LARP1: variants seen among roughly 807,000 people sequenced by gnomAD.
LARP1 encodes the protein La ribonucleoprotein 1, translational regulator.
LARP1 carries 36 observed loss-of-function variants against 122.7 expected under a neutral mutation model. The observed-to-expected ratio is 0.29, with a 90% CI of 0.22 to 0.39. LARP1 has a LOEUF of 0.39. Ranked by LOEUF, LARP1 falls within the 10% of genes least tolerant of loss-of-function variation. The probability of loss-of-function intolerance (pLI) is 1.00; values close to 1 mark genes in which losing one functional copy is unlikely to be tolerated. For missense variants in LARP1, 1,040 were observed against 1,403.6 expected (o/e 0.74, Z 4.14); for synonymous variants, 539 against 528.7 (o/e 1.02, Z -0.27).
chr5:154,811,684 A>G (rs758132992), intron 18 of LARP1, 44 bp downstream of exon 18: 4 of 1,610,984 alleles, frequency 2.5e-6, no homozygotes, highest in South Asian at 1.1e-5. Flanking sequence ...CTGGAAAGAA[A>G]ACTGGACCAG....
At chr5:154,797,735 C>T (rs1758004664) in intron 8 of LARP1, among the ~76,000 whole-genome samples, 1 of 149,756 alleles carries the variant, frequency 6.7e-6, no homozygotes, top group South Asian at 2.1e-4. Context: ...CTCTCACAGG[C>T]TAGATTGCAG....
chr5:154,757,901 C>A (rs1424714669), intron 1 of LARP1, among the ~76,000 whole-genome samples: 1 of 126,098 alleles, frequency 7.9e-6, no homozygotes. Flanking sequence ...CCCCTTCCCC[C>A]CTCCTCCCCT....
chr5:154,782,671 T>C (rs747572898), intron 1 of LARP1, among the ~76,000 whole-genome samples: 68 of 152,330 alleles, frequency 4.5e-4, no homozygotes, highest in Non-Finnish European at 8.4e-4. Flanking sequence ...TGATCTGACC[T>C]GAACATTTCT....
In LARP1 at chr5:154,814,898, C is replaced by T. The variant is rs1759564945; in HGVS notation, c.*802C>T. On this transcript the variant is annotated 3_prime_UTR_variant, in exon 19 of 19. Transcript: ENST00000518297. The stretch of plus-strand genomic sequence containing the variant: ...AAAAGACAAAATCGACCATAAAAGA[C>T]CAAAAAAAAAAAAAAAATCAGAAAA... 6.8e-6 allele frequency: 1 copy of T among 146,204 alleles called. No individual in the cohort carries two copies. Among genetic ancestry groups the T allele is most frequent in the African/African-American group, 2.6e-5 (1 of 38,896 alleles). 9.1% of individuals were successfully genotyped at this position (146,204 alleles called of 1,614,324 possible).
intron 3 of LARP1, among the ~76,000 whole-genome samples, chr5:154,791,307 A>G (rs1002964851): frequency 6.6e-6 from 1 of 150,684 alleles, no homozygotes; most frequent in South Asian, 2.1e-4. Flanking sequence ...TCCACCTCCC[A>G]GGTTCAAGTG....
chr5:154,803,856 C>T lies in LARP1; in HGVS notation c.2439+111C>T. 1.8e-6 allele frequency: 2 copies of T among 1,122,896 alleles called. No homozygotes were observed. Among genetic ancestry groups the T allele is most frequent in the Middle Eastern group, 4.5e-4 (2 of 4,444 alleles). 69.6% of individuals were successfully genotyped at this position (1,122,896 alleles called of 1,614,324 possible). On this transcript the variant is annotated intron_variant, in intron 13 of 18. Coordinates refer to ENST00000518297, the MANE Select transcript of LARP1 (RefSeq NM_033551.3). This position sits in a 1 kb window ranked among gnomAD's most constrained non-coding sequence, Gnocchi z 4.4. ...AGCTAAGGAAGTGCTAAATCCTTCA[C>T]CTGCTCTGTGTTCTGAGGCTGGTGG...
At position 154,799,673 on chromosome 5, in the gene LARP1, C is replaced by T. The variant is rs140674663; in HGVS notation, c.1460C>T (p.Pro487Leu). 5.5e-5 allele frequency: 88 copies of T among 1,614,172 alleles called. No homozygotes were observed. In the African/African-American group the frequency reaches 1.1e-3, roughly 21 times the overall value. ...GAACCAGAAAAGTGGCCTCTTCCCC[C>T]AATAGTGGATTATTCACAGACTGAT... is the stretch of plus-strand genomic sequence containing the variant. The part of the protein sequence containing the change: ...REEPEKWPLP[P>L]IVDYSQTDFS... Residue 487 changes from proline to leucine, a missense_variant, in exon 9 of 19, where the codon CCA becomes CTA. By Grantham distance (98) the Pro-to-Leu change is moderately conservative. Coordinates refer to ENST00000518297, the MANE Select transcript of LARP1 (RefSeq NM_033551.3).
intron 1 of LARP1, among the ~76,000 whole-genome samples, chr5:154,726,369 T>G (rs1245778937): frequency 1.3e-5 from 2 of 152,186 alleles, no homozygotes; most frequent in Non-Finnish European, 2.9e-5. Flanking sequence ...ATACAATACC[T>G]GCTATTCGAT....
intron 1 of LARP1, among the ~76,000 whole-genome samples, chr5:154,768,562 T>TTTTA (rs1173573407): frequency 2.6e-5 from 4 of 152,182 alleles, no homozygotes; most frequent in South Asian, 4.1e-4. Flanking sequence ...GTACCCTATT[T>TTTTA]TTTATTTATT....
chr5:154,784,928 T>TGA (rs1405057092), intron 1 of LARP1, among the ~76,000 whole-genome samples: 1 of 152,256 alleles, frequency 6.6e-6, no homozygotes, highest in African/African-American at 2.4e-5. Flanking sequence ...TTTAGTAGGC[T>TGA]GAGAGAGACT....
intron 14 of LARP1, 32 bp from the exon 15 acceptor site, chr5:154,805,849 C>G (rs780720431): frequency 1.2e-6 from 2 of 1,605,390 alleles, no homozygotes; most frequent in East Asian, 2.2e-5. Context: ...CTGTGGGGAA[C>G]CTGGTGACAG....
upstream of LARP1, among the ~76,000 whole-genome samples, chr5:154,711,662 T>A (rs1755231486): frequency 6.6e-6 from 1 of 152,186 alleles, no homozygotes; most frequent in Non-Finnish European, 1.5e-5. Flanking sequence ...GCAAGTTGAA[T>A]CATCTTTCTG....
intron 1 of LARP1, among the ~76,000 whole-genome samples, chr5:154,689,018 G>A (rs1754066529): frequency 6.6e-6 from 1 of 152,192 alleles, no homozygotes. Flanking sequence ...TATTAAATAT[G>A]TTTTGAGAAA....
intron 1 of LARP1, among the ~76,000 whole-genome samples, chr5:154,689,985 G>A (rs1754116312): frequency 6.6e-6 from 1 of 152,176 alleles, no homozygotes; most frequent in Admixed American, 6.5e-5. Flanking sequence ...AGGTTGCACT[G>A]AGCAGAGATC....
chr5:154,777,410 A>G (rs1756002421), intron 1 of LARP1, among the ~76,000 whole-genome samples: 1 of 152,042 alleles, frequency 6.6e-6, no homozygotes, highest in Admixed American at 6.6e-5. Context: ...AATCCCAGCT[A>G]CTGGGGAGGC....
In LARP1 at chr5:154,688,633, G is replaced by A. The variant is rs545547412; in HGVS notation, c.-180+5596G>A. On this transcript the variant is annotated intron_variant, in intron 1 of 18. Coordinates refer to the LARP1 transcript ENST00000687700. ...CACACCCCTGCACTCCAGCCTGGGC[G>A]GCAGAGGAAGACTCCATCTCAAAAA... Among the ~76,000 whole-genome samples, 369 of 126,030 alleles carry A rather than the reference G, an allele frequency of 2.9e-3. 1 individual carries two copies. Among genetic ancestry groups the A allele is most frequent in the African/African-American group, 8.6e-3 (277 of 32,108 alleles). The allele number at this position is 126,030 out of a possible 152,430, so 82.7% of individuals were successfully genotyped here.
intron 1 of LARP1, among the ~76,000 whole-genome samples, chr5:154,768,027 A>C (rs1440462382): frequency 1.3e-5 from 2 of 152,148 alleles, no homozygotes; most frequent in Non-Finnish European, 2.9e-5. Context: ...TGCGGTGGGA[A>C]ATGCTGCTTG....
At chr5:154,730,960 C>T (rs1756526268) in intron 1 of LARP1, among the ~76,000 whole-genome samples, 1 of 150,268 alleles carries the variant, frequency 6.7e-6, no homozygotes, top group South Asian at 2.1e-4. Context: ...CTCCACCTCC[C>T]TGGTTTCAAG....
rs903467035 is a variant in LARP1 at position 154,793,521 on chromosome 5, A to C, written c.740-74A>C. On this transcript the variant is annotated intron_variant, in intron 4 of 18. Transcript: ENST00000518297. ...TTGGGCCCAAGTCCAGGGCAGAAGA[A>C]GAGGAGTTGGGTAGAGCTGGCTAGG... The C allele has an allele frequency of 3.8e-6, 6 of 1,591,938 alleles. No individual in the cohort carries two copies. In the African/African-American group the frequency reaches 8.1e-5, roughly 21 times the overall value.
Sources: gnomAD v4.1 joint callset for allele counts (sites outside exome capture counted in the v4.1 genomes callset) on GRCh38, gnomAD v4.1.1 for gene constraint, Gnocchi (gnomAD v3.1) non-coding constraint, MANE v1.5 for transcripts, NCBI Gene and HGNC (gene_info 2026-07-23, HGNC 2026-07-21) for gene names.